MAP3K6: variants seen among roughly 807,000 people sequenced by gnomAD.
MAP3K6 encodes mitogen-activated protein kinase kinase kinase 6, also known as apoptosis signal-regulating kinase 2.
Under a neutral mutation model 147.1 loss-of-function variants are expected in MAP3K6, and 105 were observed. The ratio of observed to expected loss-of-function variants is 0.71; its 90% confidence interval spans 0.61 to 0.84. The LOEUF is 0.84. Among genes scored for constraint, MAP3K6 ranks in the 40% least tolerant of loss-of-function variants. MAP3K6 has a pLI of 0.00. For missense variants in MAP3K6, 1,569 were observed against 1,715.0 expected, an observed-to-expected ratio of 0.91 and a Z score of 1.50; for synonymous variants, 695 against 732.4, an observed-to-expected ratio of 0.95 and a Z score of 0.82.
rs1020968779 is a variant in MAP3K6, at chr1:27,366,186, T to G, written c.340+72A>C. 10 of 1,253,506 alleles carry G rather than the reference T, an allele frequency of 8.0e-6. No homozygotes were observed. The East Asian group carries it at 3.2e-4, about 40-fold the overall frequency. 77.6% of individuals were successfully genotyped at this position (1,253,506 alleles called of 1,614,324 possible). A position where few individuals can be genotyped will look rare whatever the true frequency, so the allele number is the denominator to read the frequency against. The stretch of plus-strand genomic sequence containing the variant: ...CCCTCTCGGCCCCTCCCTTGAGCCT[T>G]CGAGCCCGGCTTGGTCCCCTCCCAG... On this transcript the variant is annotated intron_variant, in intron 1 of 28. Coordinates refer to ENST00000357582, the MANE Select transcript of MAP3K6 (RefSeq NM_004672.5). This position sits in a 1 kb window ranked among gnomAD's most constrained non-coding sequence, Gnocchi z 5.5.
chr1:27,366,780 A>T lies in MAP3K6; in HGVS notation c.-183T>A, dbSNP rs1571082266. On this transcript the variant is annotated 5_prime_UTR_variant, in exon 1 of 29. Transcript: ENST00000357582. This position sits in a 1 kb window ranked among gnomAD's most constrained non-coding sequence, Gnocchi z 5.5. ...CCAGGAATCTAAAGTCCAGGGAGAAATCCTAGCTCGGACTTGCAAGGTCCT... is the reference window on the plus strand; with the variant it reads ...CCAGGAATCTAAAGTCCAGGGAGAATTCCTAGCTCGGACTTGCAAGGTCCT... 3.0e-6 allele frequency: 1 copy of T among 335,924 alleles called. No homozygotes were observed. The highest frequency in any genetic ancestry group is 4.3e-6 in the Non-Finnish European group (1 of 233,388). 20.8% of individuals were successfully genotyped at this position (335,924 alleles called of 1,614,324 possible).
rs777763764 is a variant in MAP3K6, at chr1:27,361,427, G to A, written c.1687-32C>T. 5 of 1,612,670 alleles carry A rather than the reference G, an allele frequency of 3.1e-6. 1 individual carries two copies. In the Admixed American group the frequency reaches 6.7e-5, roughly 22 times the overall value. On this transcript the variant is annotated intron_variant, in intron 11 of 28. Transcript: ENST00000357582. Reference sequence around the variant, plus strand: ...GAAGAAATGGGGTGTGATGGGGAGTGCTGGTGACAGGAGAGGGGTCTGAGG... The same window carrying A: ...GAAGAAATGGGGTGTGATGGGGAGTACTGGTGACAGGAGAGGGGTCTGAGG...
chr1:27,357,949 T>C (rs961392376), intron 21 of MAP3K6, 73 bp from the exon 22 acceptor site: 12 of 1,489,326 alleles, frequency 8.1e-6, no homozygotes, highest in Middle Eastern at 2.4e-4. Context: ...CGGGTTTGAA[T>C]CCTGGCTCTC....
In MAP3K6 at chr1:27,366,280, A is replaced by G. The variant is rs537500636; in HGVS notation, c.318T>C (p.Ala106=). ...CACCCGCGTTGTAGAAGGCATCCAGAGCCGCGGTGTCGCCTAGCTCCAGCG... is the reference window on the plus strand; with the variant it reads ...CACCCGCGTTGTAGAAGGCATCCAGGGCCGCGGTGTCGCCTAGCTCCAGCG... ...FGTLELGDTA[A]LDAFYNADVV... The change falls in exon 1 of 29, where the codon GCT becomes GCC. Residue 106 remains alanine (A), a synonymous_variant. Coordinates refer to ENST00000357582, the MANE Select transcript of MAP3K6 (RefSeq NM_004672.5). The surrounding 1 kb of genome is among the most constrained non-coding windows in gnomAD (Gnocchi z 5.5). 1.6e-4 allele frequency: 213 copies of G among 1,337,820 alleles called. 1 individual carries two copies. The African/African-American group carries it at 2.9e-3, about 18-fold the overall frequency. The allele number at this position is 1,337,820 out of a possible 1,614,324, so 82.9% of individuals were successfully genotyped here.
intron 12 of MAP3K6, 25 bp from the exon 13 acceptor site, chr1:27,361,277 A>C (rs1368597393): frequency 6.2e-7 from 1 of 1,612,966 alleles, no homozygotes; most frequent in African/African-American, 1.3e-5. Flanking sequence ...AGAACCCAGT[A>C]AGCGTCAGGC....
chr1:27,358,131 A>C lies in MAP3K6; in HGVS notation c.2915+50T>G. On this transcript the variant is annotated intron_variant, in intron 21 of 28. Coordinates refer to ENST00000357582, the MANE Select transcript of MAP3K6 (RefSeq NM_004672.5). This position sits in a 1 kb window ranked among gnomAD's most constrained non-coding sequence, Gnocchi z 6.2. ...GGGAGGGCTTTTGTAGGAGAGGAGA[A>C]AAAGGCAAAACCAGGCAAAAGGAAC... is the stretch of plus-strand genomic sequence containing the variant. 6.5e-7 allele frequency: 1 copy of C among 1,535,272 alleles called. No individual in the cohort carries two copies.
chr1:27,363,896 G>A lies in MAP3K6; in HGVS notation c.864+21C>T, dbSNP rs763080930. On this transcript the variant is annotated intron_variant, in intron 5 of 28. Coordinates refer to ENST00000357582, the MANE Select transcript of MAP3K6 (RefSeq NM_004672.5). Reference sequence around the variant, plus strand: ...GACCTCAAATGCCAGCTGCCCTACTGCCTCTCTGAACACCACGCACCTGCA... The same window carrying A: ...GACCTCAAATGCCAGCTGCCCTACTACCTCTCTGAACACCACGCACCTGCA... 14 of 1,547,790 alleles carry A rather than the reference G, an allele frequency of 9.0e-6. No homozygotes were observed. The Admixed American group carries it at 1.1e-4, about 12-fold the overall frequency.
intron 5 of MAP3K6, 49 bp from the exon 6 acceptor site, chr1:27,363,597 A>G (rs2015864729): frequency 1.4e-6 from 2 of 1,417,618 alleles, no homozygotes; most frequent in South Asian, 1.3e-5. Flanking sequence ...CCAGGCCCCA[A>G]GGAACCTTGA....
Position 27,358,618 on chromosome 1 carries a change from G to A in MAP3K6, c.2584-7C>T, listed in dbSNP as rs1386793958. 1 of 1,613,618 alleles carries A rather than the reference G, an allele frequency of 6.2e-7. No individual in the cohort carries two copies. Among genetic ancestry groups the A allele is most frequent in the East Asian group, 2.2e-5 (1 of 44,882 alleles). On this transcript the variant is annotated splice_polypyrimidine_tract_variant and splice_region_variant and intron_variant, in intron 19 of 28. Transcript: ENST00000357582. This position sits in a 1 kb window ranked among gnomAD's most constrained non-coding sequence, Gnocchi z 6.2. ...GGACCTTGTACATACCCACCTGTGG[G>A]GGGAGGGTGAACAAGGGTGACATTC... is the stretch of plus-strand genomic sequence containing the variant.
intron 6 of MAP3K6, 114 bp from the exon 7 acceptor site, chr1:27,363,135 A>C (rs2015846121): frequency 1.1e-6 from 1 of 947,904 alleles, no homozygotes; most frequent in Non-Finnish European, 1.6e-6. Flanking sequence ...TAATGACCTC[A>C]AAATGATAAT....
chr1:27,359,324 C>G lies in MAP3K6; in HGVS notation c.2425+93G>C. Reference sequence around the variant, plus strand: ...TTCATTCCCCATTAGGACTCTAACTCCATGCCTAGGAGAAACCCCCTTCCC... The same window carrying G: ...TTCATTCCCCATTAGGACTCTAACTGCATGCCTAGGAGAAACCCCCTTCCC... On this transcript the variant is annotated intron_variant, in intron 18 of 28. Coordinates refer to ENST00000357582, the MANE Select transcript of MAP3K6 (RefSeq NM_004672.5). This position sits in a 1 kb window ranked among gnomAD's most constrained non-coding sequence, Gnocchi z 4.4. The G allele has an allele frequency of 6.3e-7, 1 of 1,581,426 alleles. No homozygotes were observed. The highest frequency in any genetic ancestry group is 1.3e-5 in the African/African-American group (1 of 74,402).
At chr1:27,362,340 A>G in intron 8 of MAP3K6, 90 bp from the exon 9 acceptor site, 1 of 1,342,600 alleles carries the variant, frequency 7.4e-7, no homozygotes, top group Non-Finnish European at 1.0e-6. Flanking sequence ...GGACATGAAC[A>G]TAGATATGAG....
In MAP3K6 at chr1:27,362,837, A is replaced by AC. The variant is rs1345598815; in HGVS notation, c.1142+13dup. 6.2e-7 allele frequency: 1 copy of AC among 1,613,436 alleles called. No homozygotes were observed. The highest frequency in any genetic ancestry group is 8.5e-7 in the Non-Finnish European group (1 of 1,179,778). On this transcript the variant is annotated intron_variant, in intron 7 of 28. Transcript: ENST00000357582. ...TCACAGCTTAGCCCACCGGCCACTC[A>AC]CTGTGCTCTTTACCAGTGATAGGCC...
At position 27,361,627 on chromosome 1, in the gene MAP3K6, C is replaced by A. The variant is rs1297129575; in HGVS notation, c.1579G>T (p.Val527Leu). 1 of 1,614,156 alleles carries A rather than the reference C, an allele frequency of 6.2e-7. No individual in the cohort carries two copies. Among genetic ancestry groups the A allele is most frequent in the Non-Finnish European group, 8.5e-7 (1 of 1,180,026 alleles). ...TACAQGDQCLVLVLEMNKVLL... is the reference protein window; with the variant it reads ...TACAQGDQCLLLVLEMNKVLL... ...ACCTTGTTCATCTCCAGGACCAGCA[C>A]CTGCAGGCAGTTGGGGAGTGGGGTC... is the stretch of plus-strand genomic sequence containing the variant. The change falls in exon 11 of 29, where the codon GTG becomes TTG. Residue 527 changes from valine to leucine, a missense_variant and splice_region_variant. Transcript: ENST00000357582.
chr1:27,356,650 G>A lies in MAP3K6; in HGVS notation c.3464C>T (p.Pro1155Leu). The A allele has an allele frequency of 6.2e-7, 1 of 1,612,260 alleles. No individual in the cohort carries two copies. Among genetic ancestry groups the A allele is most frequent in the Non-Finnish European group, 8.5e-7 (1 of 1,179,080 alleles). Reference sequence around the variant, plus strand: ...CATCAGAGGAGCGGGGCCCTGCTCGGGCTCCACCGGAAGCGGGCTCTGCTG... The same window carrying A: ...CATCAGAGGAGCGGGGCCCTGCTCGAGCTCCACCGGAAGCGGGCTCTGCTG... ...PGQQSPLPVE[P>L]EQGPAPLMVQ... is the part of the protein sequence containing the mutation. The change falls in exon 25 of 29, where the codon CCC becomes CTC. Residue 1155 changes from proline to leucine, a missense_variant. By Grantham distance (98) the Pro-to-Leu change is moderately conservative. Transcript: ENST00000357582.
At chr1:27,363,310 T>C in intron 6 of MAP3K6, 132 bp downstream of exon 6, 6 of 688,694 alleles carry the variant, frequency 8.7e-6, no homozygotes, top group African/African-American at 3.7e-5. Flanking sequence ...CAGGGACCTA[T>C]TGACATCAGT....
Position 27,364,846 on chromosome 1 carries a change from C to A in MAP3K6, c.407G>T (p.Arg136Leu), listed in dbSNP as rs1418870521. The A allele has an allele frequency of 6.2e-7, 1 of 1,613,086 alleles. No homozygotes were observed. Among genetic ancestry groups the A allele is most frequent in the Non-Finnish European group, 8.5e-7 (1 of 1,179,208 alleles). ...ATTGTTGGTCATGCTGAAGCTCTCA[C>A]GCACACCAAGGTGGTAGAACAGGGA... ...QPSLFYHLGV[R>L]ESFSMTNNVL... Residue 136 changes from arginine to leucine, a missense_variant, in exon 2 of 29, where the codon CGT becomes CTT. Transcript: ENST00000357582. This position sits in a 1 kb window ranked among gnomAD's most constrained non-coding sequence, Gnocchi z 4.4.
chr1:27,355,529 C>T lies in MAP3K6; in HGVS notation c.3789-60G>A. 4 of 1,586,550 alleles carry T rather than the reference C, an allele frequency of 2.5e-6. No homozygotes were observed. In the Admixed American group the frequency reaches 6.7e-5, roughly 27 times the overall value. On this transcript the variant is annotated intron_variant, in intron 28 of 28. Coordinates refer to ENST00000357582, the MANE Select transcript of MAP3K6 (RefSeq NM_004672.5). ...AGGTGGCCCTGGACTCTATCTTGCACACACTGTCTGCCCAGTGCCCCCTCT... is the reference window on the plus strand; with the variant it reads ...AGGTGGCCCTGGACTCTATCTTGCATACACTGTCTGCCCAGTGCCCCCTCT...
rs2015966241 is a variant in MAP3K6, at chr1:27,366,009, C to G, written c.340+249G>C. ...GGGCACCGCTCCGACTGAAGGGTGC[C>G]TAAGCCCCAACCTCGAGCCCTAGAG... On this transcript the variant is annotated intron_variant, in intron 1 of 28. Transcript: ENST00000357582. The surrounding 1 kb of genome is among the most constrained non-coding windows in gnomAD (Gnocchi z 5.5). Among the ~76,000 whole-genome samples the G allele has an allele frequency of 6.6e-6, 1 of 151,758 alleles. No individual in the cohort carries two copies. Among genetic ancestry groups the G allele is most frequent in the African/African-American group, 2.4e-5 (1 of 41,294 alleles).
Sources: allele counts gnomAD v4.1 joint callset (sites outside exome capture counted in the v4.1 genomes callset), GRCh38; gene constraint gnomAD v4.1.1; non-coding constraint Gnocchi (gnomAD v3.1); transcripts MANE v1.5; gene names NCBI Gene and HGNC (gene_info 2026-07-23, HGNC 2026-07-21).